The following DENND10 variants were observed in gnomAD, a reference collection of about 807,000 sequenced individuals.
The protein encoded by DENND10 is DENN domain containing 10.
A neutral mutation model predicts 43.6 loss-of-function variants in DENND10; 24 were observed. The ratio of observed to expected loss-of-function variants is 0.55; its 90% CI spans 0.40 to 0.77. The LOEUF (loss-of-function observed/expected upper bound fraction) is 0.77, where lower values mean the gene tolerates loss of function less well. Among genes scored for constraint, DENND10 ranks in the 30% least tolerant of loss-of-function variants. The pLI, the probability that DENND10 is intolerant of heterozygous loss-of-function variation, is 0.00. For missense variants in DENND10, 303 were observed against 429.9 expected (o/e 0.70, Z 2.61); for synonymous variants, 125 against 157.6 (o/e 0.79, Z 1.55).
chr10:119,123,605 C>CTTT (rs372448900), intron 6 of DENND10, 36 bp downstream of exon 6: 505 of 1,032,512 alleles, frequency 4.9e-4, no homozygotes, highest in African/African-American at 5.7e-4. Context: ...AACTGTTTCA[C>CTTT]TTTTTTTTTT....
intron 1 of DENND10, 144 bp from the exon 2 acceptor site, chr10:119,107,824 T>G: frequency 2.8e-6 from 2 of 719,286 alleles, no homozygotes; most frequent in Non-Finnish European, 5.0e-6. Context: ...TAGAGATAGG[T>G]GGGAATTTGG....
intron 2 of DENND10, among the ~76,000 whole-genome samples, chr10:119,110,496 C>A (rs982033284): frequency 6.6e-6 from 1 of 151,992 alleles, no homozygotes; most frequent in Non-Finnish European, 1.5e-5. Flanking sequence ...CTCACTCTGT[C>A]GCCCAGCCTG....
At chr10:119,124,611 C>T (rs1477838866) in intron 6 of DENND10, among the ~76,000 whole-genome samples, 2 of 151,936 alleles carry the variant, frequency 1.3e-5, no homozygotes, top group East Asian at 1.9e-4. Context: ...CTTGAACTCC[C>T]GAACTCAAGC....
Position 119,108,101 on chromosome 10 carries a change from G to A in DENND10, c.189G>A (p.Gln63=), listed in dbSNP as rs963356908. The change falls in exon 2 of 9, where the codon CAG becomes CAA. Residue 63 remains glutamine, a synonymous_variant. Transcript: ENST00000361432. ...NKLLHPFVFG[Q]YRRTWFYITT... ...TTCTCCATCCCTTTGTCTTTGGTCA[G>A]TACAGAAGAACATGGTTTTATATCA... 2.5e-6 allele frequency: 4 copies of A among 1,613,696 alleles called. No individual in the cohort carries two copies. The highest frequency in any genetic ancestry group is 3.4e-6 in the Non-Finnish European group (4 of 1,179,792).
rs1218463475 is a variant in DENND10 at position 119,129,526 on chromosome 10, G to A, written c.706G>A (p.Gly236Arg). 1.9e-6 allele frequency: 3 copies of A among 1,612,382 alleles called. No homozygotes were observed. The highest frequency in any genetic ancestry group is 2.5e-6 in the Non-Finnish European group (3 of 1,178,532). The change falls in exon 7 of 9, where the codon GGA becomes AGA. Residue 236 changes from glycine (G) to arginine (R), a missense_variant. Physicochemically the swap from Gly to Arg is moderately radical, Grantham distance 125 (BLOSUM62 -2). Transcript: ENST00000361432. ...ALQMCTGYVA[G>R]FVDLEVSNRP... ...TGTTTGTGATGCAGGTTACGTCGCT[G>A]GATTTGTAGACTTGGAGGTGAGCAA...
chr10:119,122,203 G>T (rs1490517229), intron 5 of DENND10, among the ~76,000 whole-genome samples: 1 of 152,192 alleles, frequency 6.6e-6, no homozygotes, highest in Non-Finnish European at 1.5e-5. Context: ...AGCTACACAG[G>T]AGGCTGAGGT....
chr10:119,127,577 C>T (rs995797223), intron 6 of DENND10, among the ~76,000 whole-genome samples: 3 of 152,086 alleles, frequency 2.0e-5, no homozygotes, highest in South Asian at 4.1e-4. Flanking sequence ...CTCCCAGGTT[C>T]AAGCAATTCT....
At chr10:119,119,552 C>T (rs1845461454) in intron 4 of DENND10, among the ~76,000 whole-genome samples, 3 of 152,028 alleles carry the variant, frequency 2.0e-5, no homozygotes, top group African/African-American at 7.2e-5. Flanking sequence ...GCTGGGATTA[C>T]AGTGTGAGAC....
intron 1 of DENND10, 153 bp from the exon 2 acceptor site, chr10:119,107,815 A>C: frequency 5.8e-6 from 4 of 694,140 alleles, no homozygotes; most frequent in Non-Finnish European, 7.8e-6. Flanking sequence ...TTTGAGCAGT[A>C]GAGATAGGTG....
chr10:119,124,676 G>A (rs989900872), intron 6 of DENND10, among the ~76,000 whole-genome samples: 5 of 152,080 alleles, frequency 3.3e-5, no homozygotes, highest in African/African-American at 7.2e-5. Context: ...CAGCTGCTAC[G>A]CACAGCTACA....
At chr10:119,117,784 G>A in intron 4 of DENND10, 117 bp downstream of exon 4, 1 of 977,242 alleles carries the variant, frequency 1.0e-6, no homozygotes, top group East Asian at 2.7e-5. Context: ...TGGTTAACAT[G>A]GTGAAACCTC....
At chr10:119,108,869 G>A (rs1003568771) in intron 2 of DENND10, among the ~76,000 whole-genome samples, 10 of 151,638 alleles carry the variant, frequency 6.6e-5, no homozygotes, top group African/African-American at 1.9e-4. Context: ...TTGCCAGGCT[G>A]GTCGTGAATT....
intron 4 of DENND10, 123 bp from the exon 5 acceptor site, chr10:119,120,217 CA>C: frequency 1.7e-6 from 1 of 576,840 alleles, no homozygotes. Context: ...CACTGCATTC[CA>C]GCCTGGGTGA....
rs143519765 is a variant in DENND10 at position 119,124,649 on chromosome 10, G to T, written c.694+1080G>T. On this transcript the variant is annotated intron_variant, in intron 6 of 8. Coordinates refer to ENST00000361432, the MANE Select transcript of DENND10 (RefSeq NM_207009.4). ...TCTGCCCATCTTGGCCTCCCACACT[G>T]TTGGGATTACAGGTGTCAGCTGCTA... 2.4e-4 allele frequency among the ~76,000 whole-genome samples: 36 copies of T among 152,168 alleles called. No homozygotes were observed. The East Asian group carries it at 7.0e-3, about 30-fold the overall frequency.
chr10:119,126,500 T>G (rs1320393238), intron 6 of DENND10, among the ~76,000 whole-genome samples: 2 of 152,220 alleles, frequency 1.3e-5, no homozygotes, highest in Admixed American at 6.5e-5. Flanking sequence ...AGTCTCCCTC[T>G]GTTGTCCAGG....
chr10:119,110,686 A>G (rs1281380351), intron 2 of DENND10, among the ~76,000 whole-genome samples: 1 of 151,912 alleles, frequency 6.6e-6, no homozygotes, highest in African/African-American at 2.4e-5. Context: ...TGAACTCCTG[A>G]CCTTGTGATC....
intron 4 of DENND10, among the ~76,000 whole-genome samples, chr10:119,117,933 C>T: frequency 6.6e-6 from 1 of 151,870 alleles, no homozygotes; most frequent in Admixed American, 6.6e-5. Flanking sequence ...TGCCACTGCA[C>T]TCCGGCCTGG....
chr10:119,135,794 A>AAAAAG (rs1564804435), intron 8 of DENND10, among the ~76,000 whole-genome samples: 2 of 62,300 alleles, frequency 3.2e-5, no homozygotes, highest in Admixed American at 2.8e-4. Context: ...AAAATTGTAA[A>AAAAAG]AAAAAAAAAA....
chr10:119,117,693 G>T (rs753320321), intron 4 of DENND10, 26 bp downstream of exon 4: 14 of 1,611,272 alleles, frequency 8.7e-6, no homozygotes, highest in Non-Finnish European at 1.2e-5. Context: ...ACAGGCCAGG[G>T]ACGGTGGCTC....
Sources: allele counts gnomAD v4.1 joint callset (sites outside exome capture counted in the v4.1 genomes callset), GRCh38; gene constraint gnomAD v4.1.1; transcripts MANE v1.5; gene names NCBI Gene and HGNC (gene_info 2026-07-23, HGNC 2026-07-21).